Variants in FOLH1 observed in about 807,000 individuals in gnomAD.
FOLH1 encodes the protein folate hydrolase 1, also known as glutamate carboxypeptidase 2.
In FOLH1, 54 loss-of-function variants were observed where a neutral mutation model predicts 93.9. The observed-to-expected ratio is 0.57, with a 90% confidence interval of 0.46 to 0.72. FOLH1 has a LOEUF of 0.72. FOLH1 is among the 30% of genes least tolerant of loss of function. The pLI, the probability that FOLH1 is intolerant of heterozygous loss-of-function variation, is 0.00. For missense variants in FOLH1, 571 were observed against 892.5 expected (o/e 0.64, Z 4.59); for synonymous variants, 249 against 303.6 (o/e 0.82, Z 1.87).
rs563926146 is a variant in FOLH1, at chr11:49,185,908, C to T, written c.640-53G>A. 41 of 1,493,452 alleles carry T rather than the reference C, an allele frequency of 2.7e-5. No homozygotes were observed. The East Asian group carries it at 8.1e-4, about 29-fold the overall frequency. The allele number at this position is 1,493,452 out of a possible 1,614,324, so 92.5% of individuals were successfully genotyped here. ...TATTTTAAATTGGTTGTTCCAGATT[C>T]GGTAATATCAATTTTCAATATTACA... On this transcript the variant is annotated intron_variant, in intron 5 of 18. Transcript: ENST00000256999.
At position 49,156,124 on chromosome 11, in the gene FOLH1, T is replaced by C. The variant is rs146877486; in HGVS notation, c.1623+593A>G. Among the ~76,000 whole-genome samples, 897 of 152,026 alleles carry C rather than the reference T, an allele frequency of 5.9e-3. 13 individuals are homozygous for C. Among genetic ancestry groups the C allele is most frequent in the African/African-American group, 0.021 (858 of 41,480 alleles). On this transcript the variant is annotated intron_variant, in intron 15 of 18. Coordinates refer to ENST00000256999, the MANE Select transcript of FOLH1 (RefSeq NM_004476.3). ...GGTAAGATGTAACTTTGCTCCTCACTCACCTTCAGCCATGATTGTGATGCC... is the reference window on the plus strand; with the variant it reads ...GGTAAGATGTAACTTTGCTCCTCACCCACCTTCAGCCATGATTGTGATGCC...
chr11:49,171,429 T>G (rs1412067449), intron 10 of FOLH1, 152 bp from the exon 11 acceptor site: 1 of 1,071,600 alleles, frequency 9.3e-7, no homozygotes, highest in Non-Finnish European at 1.3e-6. Context: ...CGTAACTTTT[T>G]TTGTAAGATT....
At chr11:49,159,318 TA>T (rs1276851452) in intron 13 of FOLH1, among the ~76,000 whole-genome samples, 1 of 152,238 alleles carries the variant, frequency 6.6e-6, no homozygotes, top group African/African-American at 2.4e-5. Flanking sequence ...ATACCTAGTT[TA>T]TTGATAGTTT....
intron 2 of FOLH1, among the ~76,000 whole-genome samples, chr11:49,200,980 CATCT>C (rs1863199097): frequency 6.6e-6 from 1 of 152,010 alleles, no homozygotes; most frequent in African/African-American, 2.4e-5. Context: ...TCTTGCACTC[CATCT>C]ATCATACAGA....
At chr11:49,162,026 A>G (rs1018840485) in intron 13 of FOLH1, among the ~76,000 whole-genome samples, 1 of 152,154 alleles carries the variant, frequency 6.6e-6, no homozygotes, top group Non-Finnish European at 1.5e-5. Context: ...TTTGTAGGTA[A>G]CCTGGCCTTT....
At chr11:49,163,420 C>T (rs909041553) in intron 13 of FOLH1, among the ~76,000 whole-genome samples, 4 of 152,002 alleles carry the variant, frequency 2.6e-5, no homozygotes, top group African/African-American at 9.7e-5. Flanking sequence ...TCATCTTGGG[C>T]TCTCCAAAGC....
intron 1 of FOLH1, 51 bp from the exon 2 acceptor site, chr11:49,206,223 C>T (rs1415586900): frequency 2.5e-6 from 4 of 1,604,942 alleles, no homozygotes; most frequent in Non-Finnish European, 3.4e-6. Flanking sequence ...ATAGATAGGA[C>T]TTATTTTTCA....
intron 3 of FOLH1, among the ~76,000 whole-genome samples, chr11:49,197,058 T>C (rs1477743786): frequency 1.3e-5 from 2 of 152,160 alleles, no homozygotes; most frequent in Non-Finnish European, 2.9e-5. Context: ...ATTTCCCATA[T>C]TTTTTTCTGT....
intron 7 of FOLH1, among the ~76,000 whole-genome samples, chr11:49,182,188 G>A (rs1860825400): frequency 1.3e-5 from 2 of 151,892 alleles, no homozygotes; most frequent in Admixed American, 6.6e-5. Context: ...AATCAGCCGG[G>A]CATAGTGGTG....
intron 11 of FOLH1, among the ~76,000 whole-genome samples, chr11:49,170,074 A>G (rs1463850553): frequency 6.6e-6 from 1 of 151,716 alleles, no homozygotes; most frequent in African/African-American, 2.4e-5. Flanking sequence ...AGGGTTTCAC[A>G]TAATATCTGG....
chr11:49,173,442 T>C lies in FOLH1; in HGVS notation c.1140A>G (p.Ser380=). ...RYVILGGHRD[S]WVFGGIDPQS... is the part of the protein sequence containing the mutation. ...GAGGGTCAATACCACCAAACACCCATGAGTCCCGGTGACCTCCCAGAATGA... is the reference window on the plus strand; with the variant it reads ...GAGGGTCAATACCACCAAACACCCACGAGTCCCGGTGACCTCCCAGAATGA... Residue 380 remains serine, a synonymous_variant, in exon 10 of 19, where the codon TCA becomes TCG. Coordinates refer to ENST00000256999, the MANE Select transcript of FOLH1 (RefSeq NM_004476.3). 1 of 1,610,176 alleles carries C rather than the reference T, an allele frequency of 6.2e-7. No homozygotes were observed. Among genetic ancestry groups the C allele is most frequent in the Non-Finnish European group, 8.5e-7 (1 of 1,177,410 alleles).
At chr11:49,148,769 A>G in intron 17 of FOLH1, 38 bp from the exon 18 acceptor site, 1 of 1,495,976 alleles carries the variant, frequency 6.7e-7, no homozygotes, top group East Asian at 2.4e-5. Flanking sequence ...ACTTCATGAA[A>G]ATATGTTTCT....
intron 13 of FOLH1, among the ~76,000 whole-genome samples, chr11:49,160,173 C>T (rs1388985634): frequency 6.6e-6 from 1 of 152,056 alleles, no homozygotes; most frequent in Non-Finnish European, 1.5e-5. Flanking sequence ...TGAGAATATT[C>T]CCCCTTATCA....
chr11:49,175,992 A>G (rs1022055544), intron 7 of FOLH1, 35 bp from the exon 8 acceptor site: 1 of 1,598,486 alleles, frequency 6.3e-7, no homozygotes, highest in African/African-American at 1.3e-5. Flanking sequence ...TAGCCACAAA[A>G]AAACCTTGAA....
intron 6 of FOLH1, among the ~76,000 whole-genome samples, chr11:49,185,420 A>G (rs1861251476): frequency 6.6e-6 from 1 of 152,130 alleles, no homozygotes; most frequent in African/African-American, 2.4e-5. Flanking sequence ...AAGTTATGGT[A>G]TATGTGTAAC....
intron 7 of FOLH1, among the ~76,000 whole-genome samples, chr11:49,178,343 G>A (rs1482368539): frequency 6.6e-6 from 1 of 152,134 alleles, no homozygotes; most frequent in Admixed American, 6.5e-5. Flanking sequence ...TTGCTTTGGG[G>A]GTGTAAATGG....
intron 15 of FOLH1, 69 bp downstream of exon 15, chr11:49,156,648 G>A: frequency 6.3e-7 from 1 of 1,582,980 alleles, no homozygotes. Flanking sequence ...GTCACTTTTT[G>A]GAGTCAGAAT....
chr11:49,193,945 G>A (rs1248911603), intron 3 of FOLH1, among the ~76,000 whole-genome samples: 1 of 151,930 alleles, frequency 6.6e-6, no homozygotes, highest in Non-Finnish European at 1.5e-5. Context: ...GGATCACGAG[G>A]TCAGGAGTTT....
chr11:49,169,784 A>G, intron 11 of FOLH1, among the ~76,000 whole-genome samples: 1 of 152,198 alleles, frequency 6.6e-6, no homozygotes, highest in East Asian at 1.9e-4. Context: ...CTCCTGGTCA[A>G]TATTGATAAT....
Sources: gnomAD v4.1 joint callset for allele counts (sites outside exome capture counted in the v4.1 genomes callset) on GRCh38, gnomAD v4.1.1 for gene constraint, MANE v1.5 for transcripts, NCBI Gene and HGNC (gene_info 2026-07-23, HGNC 2026-07-21) for gene names.